Variants in CAND1 observed in about 807,000 individuals in gnomAD.
CAND1 encodes the protein cullin-associated NEDD8-dissociated protein 1.
CAND1 carries 7 observed loss-of-function variants against 108.5 expected under a neutral mutation model. The ratio of observed to expected loss-of-function variants is 0.06; its 90% CI spans 0.04 to 0.12. CAND1 has a LOEUF of 0.12. Ranked by LOEUF, CAND1 falls within the 10% of genes least tolerant of loss-of-function variation. CAND1 has a pLI of 1.00. For synonymous variants in CAND1, 534 were observed against 512.0 expected, an observed-to-expected ratio of 1.04 and a Z score of -0.58; for missense variants, 941 against 1,448.7, an observed-to-expected ratio of 0.65 and a Z score of 5.69.
At chr12:67,281,818 GTGAA>G (rs2044622767) in intron 1 of CAND1, 88 bp from the exon 2 acceptor site, 1 of 734,440 alleles carries the variant, frequency 1.4e-6, no homozygotes, top group South Asian at 2.4e-5. Context: ...TTTCTGTTGA[GTGAA>G]TGGTATAGCA....
chr12:67,287,857 A>ATT (rs34177330), intron 2 of CAND1, among the ~76,000 whole-genome samples: 5,058 of 112,526 alleles, frequency 0.045, 205 homozygotes, highest in Admixed American at 0.1. Context: ...TTTTGATGTG[A>ATT]TTTTTTTTTT....
At position 67,314,346 on chromosome 12, in the gene CAND1, C is replaced by G. The variant is rs1456563668; in HGVS notation, c.*1516C>G. ...TAACATACTGTGGTTATTAGATTAACAGCTTGATTTTGAATGTTCAGATGA... is the reference window on the plus strand; with the variant it reads ...TAACATACTGTGGTTATTAGATTAAGAGCTTGATTTTGAATGTTCAGATGA... On this transcript the variant is annotated 3_prime_UTR_variant, in exon 15 of 15. Transcript: ENST00000545606. 1.3e-5 allele frequency: 2 copies of G among 152,136 alleles called. No homozygotes were observed. Among genetic ancestry groups the G allele is most frequent in the African/African-American group, 4.8e-5 (2 of 41,438 alleles). 9.4% of individuals were successfully genotyped at this position (152,136 alleles called of 1,614,324 possible).
Position 67,302,319 on chromosome 12 carries a change from T to G in CAND1, c.1001-4T>G. 1 of 1,610,682 alleles carries G rather than the reference T, an allele frequency of 6.2e-7. No homozygotes were observed. Among genetic ancestry groups the G allele is most frequent in the East Asian group, 2.2e-5 (1 of 44,850 alleles). ...AGCCTGTTTACATTAAAACTTACCCTTAGGGAGTGATGATGAATACAGTGA... is the reference window on the plus strand; with the variant it reads ...AGCCTGTTTACATTAAAACTTACCCGTAGGGAGTGATGATGAATACAGTGA... On this transcript the variant is annotated splice_region_variant and splice_polypyrimidine_tract_variant and intron_variant, in intron 7 of 14. Transcript: ENST00000545606.
At chr12:67,278,804 C>T (rs1164312677) in intron 1 of CAND1, among the ~76,000 whole-genome samples, 1 of 152,242 alleles carries the variant, frequency 6.6e-6, no homozygotes, top group Non-Finnish European at 1.5e-5. Context: ...CAGGCGTGAG[C>T]CACTGGCACC....
rs200800485 is a variant in CAND1 at position 67,298,901 on chromosome 12, CAAG to C, written c.855-48_855-46del. 3.2e-3 allele frequency: 3,591 copies of C among 1,111,160 alleles called. 72 individuals are homozygous for C. The African/African-American group carries it at 0.049, about 15-fold the overall frequency. 68.8% of individuals were successfully genotyped at this position (1,111,160 alleles called of 1,614,324 possible). A position where few individuals can be genotyped will look rare whatever the true frequency, so the allele number is the denominator to read the frequency against. On this transcript the variant is annotated intron_variant, in intron 6 of 14. Coordinates refer to ENST00000545606, the MANE Select transcript of CAND1 (RefSeq NM_018448.5). ...AAGCAAAATGTGGCAGGTAATGAAT[CAAG>C]GAGTAAAATGCAGCTCTTCAAGGCA...
rs2044976760 is a variant in CAND1 at position 67,313,563 on chromosome 12, AAGG to A, written c.*736_*738del. On this transcript the variant is annotated 3_prime_UTR_variant, in exon 15 of 15. Coordinates refer to ENST00000545606, the MANE Select transcript of CAND1 (RefSeq NM_018448.5). ...AAAACACATTATCTGGAGAGAAAGA[AAGG>A]AGAATTTTTGAGACTTGGGTTTTCT... is the stretch of plus-strand genomic sequence containing the variant. 1 of 152,622 alleles carries A rather than the reference AAGG, an allele frequency of 6.6e-6. No individual in the cohort carries two copies. The highest frequency in any genetic ancestry group is 2.4e-5 in the African/African-American group (1 of 41,468). 9.5% of individuals were successfully genotyped at this position (152,622 alleles called of 1,614,324 possible).
chr12:67,298,132 A>G (rs2044787868), intron 6 of CAND1, among the ~76,000 whole-genome samples: 1 of 152,198 alleles, frequency 6.6e-6, no homozygotes, highest in Non-Finnish European at 1.5e-5. Context: ...TGCCAGTGTA[A>G]TAATGTAGTC....
At position 67,306,311 on chromosome 12, in the gene CAND1, C is replaced by T. The variant is rs761925738; in HGVS notation, c.2643C>T (p.Gly881=). The change falls in exon 10 of 15, where the codon GGC becomes GGT. Residue 881 remains glycine, a synonymous_variant. Coordinates refer to ENST00000545606, the MANE Select transcript of CAND1 (RefSeq NM_018448.5). ...AATCAGCTGCATCCTATGCATTAGGCAGCATTAGTGTGGGCAACCTTCCTG... is the reference window on the plus strand; with the variant it reads ...AATCAGCTGCATCCTATGCATTAGGTAGCATTAGTGTGGGCAACCTTCCTG... ...EVKSAASYAL[G]SISVGNLPEY... is the part of the protein sequence containing the mutation. 1.9e-6 allele frequency: 3 copies of T among 1,614,150 alleles called. No homozygotes were observed. The highest frequency in any genetic ancestry group is 1.3e-5 in the African/African-American group (1 of 75,044).
chr12:67,279,807 C>T (rs1475113560), intron 1 of CAND1, among the ~76,000 whole-genome samples: 2 of 152,096 alleles, frequency 1.3e-5, no homozygotes, highest in Non-Finnish European at 2.9e-5. Flanking sequence ...GACCATAAAA[C>T]AACTTTTTAC....
chr12:67,269,507 G>T lies in CAND1; in HGVS notation c.-211G>T. On this transcript the variant is annotated 5_prime_UTR_variant, in exon 1 of 15. Transcript: ENST00000545606. ...GCGCCGTCGTTAGGCTGGCTCTGTA[G>T]CCTCGGCTTACCCCGGGACAGGCCC... is the stretch of plus-strand genomic sequence containing the variant. 1 of 544,778 alleles carries T rather than the reference G, an allele frequency of 1.8e-6. No homozygotes were observed. Among genetic ancestry groups the T allele is most frequent in the South Asian group, 2.3e-5 (1 of 43,858 alleles). 33.7% of individuals were successfully genotyped at this position (544,778 alleles called of 1,614,324 possible). A position where few individuals can be genotyped will look rare whatever the true frequency, so the allele number is the denominator to read the frequency against.
chr12:67,277,173 A>G (rs1391129876), intron 1 of CAND1, among the ~76,000 whole-genome samples: 1 of 152,176 alleles, frequency 6.6e-6, no homozygotes, highest in African/African-American at 2.4e-5. Context: ...TTAGTTTGTA[A>G]AATTCAAACC....
In CAND1 at chr12:67,314,453, G is replaced by A. The variant is rs1490848761; in HGVS notation, c.*1623G>A. 6.6e-6 allele frequency: 1 copy of A among 152,210 alleles called. No individual in the cohort carries two copies. The highest frequency in any genetic ancestry group is 2.4e-5 in the African/African-American group (1 of 41,458). The allele number at this position is 152,210 out of a possible 1,614,324, so 9.4% of individuals were successfully genotyped here. ...TTGGTGCCATTTCAAAATGTGGCAG[G>A]TGATAATCTTTTACCATAATTTGCA... On this transcript the variant is annotated 3_prime_UTR_variant, in exon 15 of 15. Coordinates refer to ENST00000545606, the MANE Select transcript of CAND1 (RefSeq NM_018448.5).
intron 1 of CAND1, among the ~76,000 whole-genome samples, chr12:67,279,923 A>G (rs1275071395): frequency 6.6e-6 from 1 of 152,214 alleles, no homozygotes; most frequent in Non-Finnish European, 1.5e-5. Context: ...TGGTTATTTA[A>G]TGGATTTTGT....
In CAND1 at chr12:67,305,618, A is replaced by G; in HGVS notation, c.1950A>G (p.Glu650=). The G allele has an allele frequency of 6.2e-7, 1 of 1,614,170 alleles. No homozygotes were observed. Among genetic ancestry groups the G allele is most frequent in the African/African-American group, 1.3e-5 (1 of 75,038 alleles). Residue 650 remains glutamate (E), a synonymous_variant, in exon 10 of 15, where the codon GAA becomes GAG. Transcript: ENST00000545606. The surrounding 1 kb of genome is among the most constrained non-coding windows in gnomAD (Gnocchi z 4.4). ...TAGATTTGAGGCCTGTTCTGGGAGA[A>G]GGGGTTCCTATCCTTGCTTCATTTC... ...LKIDLRPVLG[E]GVPILASFLR... is the part of the protein sequence containing the mutation.
At chr12:67,270,310 C>A in intron 1 of CAND1, 1 of 153,362 alleles carries the variant, frequency 6.5e-6, no homozygotes, top group Non-Finnish European at 1.5e-5. Flanking sequence ...CTTTTGCGCT[C>A]TTGGCTGATA....
chr12:67,303,992 C>CTTTTTTTTTTTTTTTTTTTTTTTTT (rs397849975), intron 8 of CAND1, among the ~76,000 whole-genome samples: 1 of 138,562 alleles, frequency 7.2e-6, no homozygotes, highest in African/African-American at 2.7e-5. Flanking sequence ...CTTTCTTTCT[C>CTTTTTTTTTTTTTTTTTTTTTTTTT]TTTTTTTTTT....
chr12:67,304,096 T>C (rs368586288), intron 8 of CAND1, among the ~76,000 whole-genome samples: 7 of 151,894 alleles, frequency 4.6e-5, no homozygotes, highest in Admixed American at 2.6e-4. Context: ...TTCAAGCGAT[T>C]CTCCTGTCTC....
chr12:67,305,405 T>G lies in CAND1; in HGVS notation c.1737T>G (p.Ala579=). ...GTACCATTAAGAGATTAAAAGCAGC[T>G]GACATTGATCAGGAAGTCAAGGAAA... The part of the protein sequence containing the change: ...FTCTIKRLKA[A]DIDQEVKERA... Residue 579 remains alanine (A), a synonymous_variant, in exon 10 of 15, where the codon GCT becomes GCG. Coordinates refer to ENST00000545606, the MANE Select transcript of CAND1 (RefSeq NM_018448.5). The surrounding 1 kb of genome is among the most constrained non-coding windows in gnomAD (Gnocchi z 4.4). 1.2e-6 allele frequency: 2 copies of G among 1,614,026 alleles called. No homozygotes were observed. Among genetic ancestry groups the G allele is most frequent in the Non-Finnish European group, 1.7e-6 (2 of 1,180,016 alleles).
intron 14 of CAND1, among the ~76,000 whole-genome samples, chr12:67,312,034 A>G (rs1021489478): frequency 6.6e-6 from 1 of 152,312 alleles, no homozygotes; most frequent in East Asian, 1.9e-4. Flanking sequence ...GTACTGATAC[A>G]TATTTGAAGT....
Sources: gnomAD v4.1 joint callset for allele counts (sites outside exome capture counted in the v4.1 genomes callset) on GRCh38, gnomAD v4.1.1 for gene constraint, Gnocchi (gnomAD v3.1) non-coding constraint, MANE v1.5 for transcripts, NCBI Gene and HGNC (gene_info 2026-07-23, HGNC 2026-07-21) for gene names.